LRRTM4: variants seen among roughly 807,000 people sequenced by gnomAD.
LRRTM4 encodes the protein leucine-rich repeat transmembrane neuronal protein 4.
A neutral mutation model predicts 47.6 loss-of-function variants in LRRTM4; 25 were observed. The ratio of observed to expected loss-of-function variants is 0.53; its 90% CI spans 0.38 to 0.73. LRRTM4 has a LOEUF of 0.73. Among genes scored for constraint, LRRTM4 ranks in the 30% least tolerant of loss-of-function variants. The pLI, the probability that LRRTM4 is intolerant of heterozygous loss-of-function variation, is 0.00. For synonymous variants in LRRTM4, 311 were observed against 269.5 expected (o/e 1.15, Z -1.51); for missense variants, 638 against 713.4 (o/e 0.89, Z 1.20).
In LRRTM4 at chr2:77,452,219, G is replaced by C. The variant is rs141311549; in HGVS notation, c.1551+66099C>G. ...CTTACTAAAGATGAAAACAGATAAA[G>C]GGGAACAGTTTATTAAGTTATTGCA... On this transcript the variant is annotated intron_variant, in intron 3 of 3. Coordinates refer to ENST00000409884, the MANE Select transcript of LRRTM4 (RefSeq NM_001134745.3). Among the ~76,000 whole-genome samples the C allele has an allele frequency of 2.2e-3, 333 of 152,330 alleles. 2 individuals are homozygous for C. Among genetic ancestry groups the C allele is most frequent in the African/African-American group, 7.4e-3 (309 of 41,580 alleles).
chr2:76,789,277 A>AG (rs1674843526), intron 3 of LRRTM4, among the ~76,000 whole-genome samples: 1 of 152,150 alleles, frequency 6.6e-6, no homozygotes, highest in Non-Finnish European at 1.5e-5. Context: ...GGGAGAACAC[A>AG]GGAAAAAATG....
intron 3 of LRRTM4, among the ~76,000 whole-genome samples, chr2:77,226,593 T>G (rs1299505123): frequency 6.6e-6 from 1 of 150,600 alleles, no homozygotes; most frequent in Non-Finnish European, 1.5e-5. Flanking sequence ...ATTATTGCAC[T>G]TAATCATTTT....
At chr2:77,346,207 G>T (rs1208988605) in intron 3 of LRRTM4, among the ~76,000 whole-genome samples, 2 of 151,982 alleles carry the variant, frequency 1.3e-5, no homozygotes, top group African/African-American at 4.8e-5. Flanking sequence ...CTAGGGACAA[G>T]TTGATACAAT....
At chr2:76,869,129 T>C (rs1044568919) in intron 3 of LRRTM4, among the ~76,000 whole-genome samples, 8 of 151,974 alleles carry the variant, frequency 5.3e-5, no homozygotes, top group Non-Finnish European at 8.8e-5. Context: ...GCCAACATGG[T>C]GAAACCCCGT....
At chr2:77,180,419 A>C (rs1673316020) in intron 3 of LRRTM4, among the ~76,000 whole-genome samples, 1 of 152,052 alleles carries the variant, frequency 6.6e-6, no homozygotes, top group African/African-American at 2.4e-5. Flanking sequence ...ACAACTGTGC[A>C]CTCTAATGAC....
intron 3 of LRRTM4, among the ~76,000 whole-genome samples, chr2:77,300,067 G>T (rs1346964832): frequency 1.3e-5 from 2 of 151,946 alleles, no homozygotes; most frequent in African/African-American, 4.8e-5. Flanking sequence ...GGCCAGGATG[G>T]TCTCGATCTC....
Position 77,428,952 on chromosome 2 carries a change from G to A in LRRTM4, c.1551+89366C>T, listed in dbSNP as rs529113817. Among the ~76,000 whole-genome samples the A allele has an allele frequency of 1.1e-3, 169 of 152,274 alleles. 1 individual carries two copies. Among genetic ancestry groups the A allele is most frequent in the African/African-American group, 3.6e-3 (151 of 41,550 alleles). ...TGTTAATAAGGAGTAGACACAATTA[G>A]AAGAAAAAGAACAGACCTAAATTAA... On this transcript the variant is annotated intron_variant, in intron 3 of 3. Transcript: ENST00000409884.
chr2:77,203,092 AAT>A (rs745851849), intron 3 of LRRTM4, among the ~76,000 whole-genome samples: 2 of 151,366 alleles, frequency 1.3e-5, no homozygotes, highest in Admixed American at 6.6e-5. Flanking sequence ...CAGAGGAGTA[AAT>A]ATATATATAT....
intron 3 of LRRTM4, among the ~76,000 whole-genome samples, chr2:77,493,597 TATTTC>T (rs1212582122): frequency 2.0e-5 from 3 of 152,120 alleles, no homozygotes; most frequent in Non-Finnish European, 2.9e-5. Flanking sequence ...AAAAAATAGA[TATTTC>T]AATACAGCTT....
chr2:76,866,206 C>G (rs980222580), intron 3 of LRRTM4, among the ~76,000 whole-genome samples: 7 of 152,158 alleles, frequency 4.6e-5, no homozygotes, highest in African/African-American at 1.2e-4. Flanking sequence ...AACTGAATCC[C>G]TTTGAGAGTC....
At chr2:76,851,358 T>C (rs899624067) in intron 3 of LRRTM4, among the ~76,000 whole-genome samples, 2 of 152,212 alleles carry the variant, frequency 1.3e-5, no homozygotes, top group Non-Finnish European at 2.9e-5. Context: ...ATTGAATCTG[T>C]AGCTAATGTA....
chr2:77,340,048 A>T (rs1021736411), intron 3 of LRRTM4, among the ~76,000 whole-genome samples: 4 of 151,984 alleles, frequency 2.6e-5, no homozygotes, highest in Non-Finnish European at 4.4e-5. Flanking sequence ...GAAAAACGTG[A>T]TGTACATTAT....
chr2:76,793,363 T>G (rs920998090), intron 3 of LRRTM4, among the ~76,000 whole-genome samples: 17 of 152,164 alleles, frequency 1.1e-4, no homozygotes, highest in African/African-American at 4.1e-4. Flanking sequence ...TAGATTTTCT[T>G]GGCCACAAAT....
chr2:76,902,830 A>AT (rs1673688076), intron 3 of LRRTM4, among the ~76,000 whole-genome samples: 1 of 152,132 alleles, frequency 6.6e-6, no homozygotes, highest in Admixed American at 6.6e-5. Flanking sequence ...AAATTGATAG[A>AT]TTCCCCTGGT....
chr2:76,834,100 G>A (rs1671440306), intron 3 of LRRTM4, among the ~76,000 whole-genome samples: 1 of 151,196 alleles, frequency 6.6e-6, no homozygotes, highest in East Asian at 2.0e-4. Context: ...GAGTGCAGTG[G>A]CACCATCTTG....
At chr2:76,796,058 T>A in intron 3 of LRRTM4, among the ~76,000 whole-genome samples, 1 of 88,732 alleles carries the variant, frequency 1.1e-5, no homozygotes, top group South Asian at 4.4e-4. Context: ...GGTGATGTAC[T>A]GCACCTGGAA....
At chr2:76,783,484 C>T (rs981514727) in intron 3 of LRRTM4, among the ~76,000 whole-genome samples, 2 of 152,012 alleles carry the variant, frequency 1.3e-5, no homozygotes, top group African/African-American at 4.8e-5. Context: ...GACCATCTAC[C>T]TCCAGAACTC....
chr2:77,203,704 A>G (rs1325204812), intron 3 of LRRTM4, among the ~76,000 whole-genome samples: 1 of 152,184 alleles, frequency 6.6e-6, no homozygotes. Context: ...CAAGTGCAGA[A>G]GTGTTGTTCA....
intron 3 of LRRTM4, among the ~76,000 whole-genome samples, chr2:77,166,666 T>C (rs1672895522): frequency 6.6e-6 from 1 of 152,114 alleles, no homozygotes; most frequent in African/African-American, 2.4e-5. Flanking sequence ...CCTACAACCA[T>C]CTGATCTTTG....
Sources: gnomAD v4.1 joint callset for allele counts (sites outside exome capture counted in the v4.1 genomes callset) on GRCh38, gnomAD v4.1.1 for gene constraint, MANE v1.5 for transcripts, NCBI Gene and HGNC (gene_info 2026-07-23, HGNC 2026-07-21) for gene names.